The following CDC14A variants were observed in gnomAD, a reference collection of about 807,000 sequenced individuals.
The protein encoded by CDC14A is cell division cycle 14A.
A neutral mutation model predicts 74.4 loss-of-function variants in CDC14A; 53 were observed. That is an observed-to-expected ratio of 0.71 (90% CI 0.57 to 0.89). CDC14A has a LOEUF of 0.89. Among genes scored for constraint, CDC14A ranks in the 40% least tolerant of loss-of-function variants. The probability of loss-of-function intolerance (pLI) is 0.00; values close to 1 mark genes in which losing one functional copy is unlikely to be tolerated. For synonymous variants in CDC14A, 247 were observed against 258.4 expected, an observed-to-expected ratio of 0.96 and a Z score of 0.43; for missense variants, 646 against 713.7, an observed-to-expected ratio of 0.91 and a Z score of 1.08.
chr1:100,407,935 G>T (rs2101029495), intron 4 of CDC14A, among the ~76,000 whole-genome samples: 1 of 151,894 alleles, frequency 6.6e-6, no homozygotes, highest in Admixed American at 6.6e-5. Flanking sequence ...TTTATTTTAG[G>T]TTCAGGGGTA....
upstream of CDC14A, among the ~76,000 whole-genome samples, chr1:100,348,058 C>T (rs756548685): frequency 3.9e-5 from 6 of 151,960 alleles, no homozygotes; most frequent in Admixed American, 6.6e-5. Flanking sequence ...GCGAGGTGGG[C>T]GGATCACGAG....
At chr1:100,407,615 G>A (rs1424338113) in intron 4 of CDC14A, among the ~76,000 whole-genome samples, 11 of 152,154 alleles carry the variant, frequency 7.2e-5, no homozygotes, top group Non-Finnish European at 1.0e-4. Flanking sequence ...AGATGATGGT[G>A]TCTCCTAGAT....
intron 3 of CDC14A, among the ~76,000 whole-genome samples, chr1:100,378,234 G>A (rs1655579994): frequency 6.6e-6 from 1 of 151,876 alleles, no homozygotes; most frequent in South Asian, 2.1e-4. Flanking sequence ...TTTGGCATGT[G>A]GCTTTTTTTT....
intron 5 of CDC14A, among the ~76,000 whole-genome samples, chr1:100,426,175 G>T (rs1332539835): frequency 6.6e-6 from 1 of 152,156 alleles, no homozygotes; most frequent in Non-Finnish European, 1.5e-5. Flanking sequence ...CCAGGCTGGA[G>T]TGCAGTGGCA....
intron 1 of CDC14A, among the ~76,000 whole-genome samples, chr1:100,346,166 C>T (rs993151516): frequency 5.3e-5 from 8 of 151,726 alleles, no homozygotes; most frequent in African/African-American, 4.8e-5. Flanking sequence ...AGCAAGACTC[C>T]ATCTCAAAAA....
At chr1:100,403,951 AG>A (rs1659596576) in intron 4 of CDC14A, among the ~76,000 whole-genome samples, 1 of 152,236 alleles carries the variant, frequency 6.6e-6, no homozygotes, top group South Asian at 2.1e-4. Flanking sequence ...TAGGTTTATA[AG>A]GGTTTTCTTG....
intron 2 of CDC14A, among the ~76,000 whole-genome samples, chr1:100,366,037 C>T (rs757823692): frequency 7.9e-5 from 12 of 151,896 alleles, no homozygotes; most frequent in Non-Finnish European, 1.6e-4. Flanking sequence ...GTAATAATGT[C>T]TTTACCTGTC....
At chr1:100,368,911 A>G (rs1654023087) in intron 2 of CDC14A, among the ~76,000 whole-genome samples, 1 of 152,176 alleles carries the variant, frequency 6.6e-6, no homozygotes, top group South Asian at 2.1e-4. Flanking sequence ...TGTTGCTGCA[A>G]AGATAGAACG....
chr1:100,391,074 G>A (rs1336186445), intron 4 of CDC14A: 2 of 472,406 alleles, frequency 4.2e-6, no homozygotes, highest in Non-Finnish European at 7.8e-6. Context: ...CAGTTATATA[G>A]GTATTTTAAT....
At chr1:100,353,905 C>A in intron 2 of CDC14A, 53 bp downstream of exon 2, 1 of 977,404 alleles carries the variant, frequency 1.0e-6, no homozygotes, top group Non-Finnish European at 1.6e-6. Flanking sequence ...TGTTCTTTGA[C>A]GAGGAAACAC....
chr1:100,441,205 A>G (rs1664889309), intron 6 of CDC14A, among the ~76,000 whole-genome samples: 1 of 152,242 alleles, frequency 6.6e-6, no homozygotes, highest in African/African-American at 2.4e-5. Flanking sequence ...CTCAGTATAG[A>G]AAGTTGTGGC....
At chr1:100,368,791 G>A (rs780427005) in intron 2 of CDC14A, among the ~76,000 whole-genome samples, 1 of 152,044 alleles carries the variant, frequency 6.6e-6, no homozygotes, top group Non-Finnish European at 1.5e-5. Context: ...CCATCTTTTT[G>A]TCCGTGAGTA....
intron 2 of CDC14A, among the ~76,000 whole-genome samples, chr1:100,372,554 G>C (rs951771576): frequency 5.3e-5 from 8 of 152,134 alleles, no homozygotes; most frequent in African/African-American, 1.7e-4. Context: ...TGAGCAAAAG[G>C]TGTGAGCATG....
intron 9 of CDC14A, among the ~76,000 whole-genome samples, chr1:100,464,811 T>C (rs1038109099): frequency 2.0e-5 from 3 of 152,242 alleles, no homozygotes; most frequent in Non-Finnish European, 2.9e-5. Context: ...GAAAACTCTC[T>C]GGTGTTAAAC....
At chr1:100,458,717 CTG>C (rs1666978352) in intron 8 of CDC14A, among the ~76,000 whole-genome samples, 1 of 150,136 alleles carries the variant, frequency 6.7e-6, no homozygotes. Flanking sequence ...ATTGAGAAAC[CTG>C]TGTTTTTCTG....
chr1:100,408,711 A>G (rs919987628), intron 4 of CDC14A, among the ~76,000 whole-genome samples: 3 of 152,166 alleles, frequency 2.0e-5, no homozygotes, highest in Non-Finnish European at 2.9e-5. Context: ...GACTGCATGT[A>G]TGTCGTCTTT....
chr1:100,423,800 C>A, intron 4 of CDC14A: 1 of 172,018 alleles, frequency 5.8e-6, no homozygotes, highest in East Asian at 1.4e-4. Context: ...TCAGTAGATA[C>A]CCCATGGATA....
At chr1:100,373,674 G>A (rs1654795184) in intron 2 of CDC14A, among the ~76,000 whole-genome samples, 1 of 151,992 alleles carries the variant, frequency 6.6e-6, no homozygotes, top group South Asian at 2.1e-4. Context: ...GTCAGTAAGG[G>A]GATTATAGGT....
intron 3 of CDC14A, among the ~76,000 whole-genome samples, chr1:100,389,999 T>C (rs1657461240): frequency 6.6e-6 from 1 of 152,192 alleles, no homozygotes; most frequent in African/African-American, 2.4e-5. Flanking sequence ...ACCAGATCTT[T>C]TTGTCATTTC....
Sources: allele counts gnomAD v4.1 joint callset (sites outside exome capture counted in the v4.1 genomes callset), GRCh38; gene constraint gnomAD v4.1.1; transcripts MANE v1.5; gene names NCBI Gene and HGNC (gene_info 2026-07-23, HGNC 2026-07-21).